Variants in MTOR observed in about 807,000 individuals in gnomAD.
MTOR encodes the protein serine/threonine-protein kinase mTOR.
A neutral mutation model predicts 319.8 loss-of-function variants in MTOR; 70 were observed. That is an observed-to-expected ratio of 0.22 (90% CI 0.18 to 0.27). The LOEUF is 0.27. MTOR is among the 10% of genes least tolerant of loss of function. MTOR has a pLI of 1.00. For synonymous variants in MTOR, 1,183 were observed against 1,211.4 expected (o/e 0.98, Z 0.49); for missense variants, 1,890 against 3,274.4 (o/e 0.58, Z 10.32).
chr1:11,200,256 T>C (rs893125511), intron 26 of MTOR, among the ~76,000 whole-genome samples: 1 of 152,224 alleles, frequency 6.6e-6, no homozygotes, highest in Non-Finnish European at 1.5e-5. Flanking sequence ...AGGCAGCATC[T>C]GCAATTGCTT....
intron 21 of MTOR, 120 bp downstream of exon 21, chr1:11,213,279 T>G (rs1646366792): frequency 9.6e-7 from 1 of 1,041,036 alleles, no homozygotes. Context: ...TTCTTGGGAT[T>G]CTGTCTTATG....
At chr1:11,144,947 T>C in intron 33 of MTOR, 21 bp downstream of exon 33, 1 of 1,611,898 alleles carries the variant, frequency 6.2e-7, no homozygotes. Flanking sequence ...AATGACAATG[T>C]GCAGAATAGT....
chr1:11,196,649 G>A (rs1446826110), intron 28 of MTOR, among the ~76,000 whole-genome samples: 1 of 152,006 alleles, frequency 6.6e-6, no homozygotes, highest in African/African-American at 2.4e-5. Flanking sequence ...GGTCAAGAGA[G>A]TGAGACCATC....
chr1:11,127,975 T>C lies in MTOR; in HGVS notation c.6033+29A>G, dbSNP rs2100412179. On this transcript the variant is annotated intron_variant, in intron 43 of 57. Transcript: ENST00000361445. The surrounding 1 kb of genome is among the most constrained non-coding windows in gnomAD (Gnocchi z 5.5). The stretch of plus-strand genomic sequence containing the variant: ...GCCCACCAGCTAAGGGACCAGGGTC[T>C]ATGAAGCCCCACAGTGGCTCCGACC... 1.2e-6 allele frequency: 2 copies of C among 1,612,544 alleles called. No homozygotes were observed. The highest frequency in any genetic ancestry group is 1.7e-6 in the Non-Finnish European group (2 of 1,179,802).
intron 3 of MTOR, among the ~76,000 whole-genome samples, chr1:11,257,514 G>A (rs1264221522): frequency 1.4e-5 from 2 of 142,484 alleles, no homozygotes; most frequent in African/African-American, 5.3e-5. Context: ...AGTAAGCCGA[G>A]ACTGCACCAT....
intron 47 of MTOR, among the ~76,000 whole-genome samples, chr1:11,123,174 T>C (rs1207052324): frequency 6.6e-6 from 1 of 152,220 alleles, no homozygotes; most frequent in African/African-American, 2.4e-5. Context: ...CATTTCCCAA[T>C]GAAAATACCC....
chr1:11,231,500 T>G, intron 16 of MTOR, 66 bp from the exon 17 acceptor site: 1 of 1,575,032 alleles, frequency 6.3e-7, no homozygotes, highest in Non-Finnish European at 8.6e-7. Flanking sequence ...AGTTGAACTC[T>G]TTGTATAATG....
chr1:11,182,895 T>C (rs536999390), intron 28 of MTOR, among the ~76,000 whole-genome samples: 2 of 152,352 alleles, frequency 1.3e-5, no homozygotes, highest in East Asian at 3.9e-4. Context: ...GTTTTCAGTG[T>C]TTGGCTATTA....
chr1:11,167,913 CAA>C (rs1273279870), intron 28 of MTOR, among the ~76,000 whole-genome samples: 1 of 151,884 alleles, frequency 6.6e-6, no homozygotes, highest in Non-Finnish European at 1.5e-5. Flanking sequence ...ACTAAAAATA[CAA>C]AAAAATTAGC....
intron 46 of MTOR, 131 bp from the exon 47 acceptor site, chr1:11,124,764 A>G: frequency 9.8e-7 from 1 of 1,016,998 alleles, no homozygotes; most frequent in South Asian, 2.8e-5. Context: ...CACAAAAAGA[A>G]AAAACAATCT....
chr1:11,241,977 T>C (rs996112999), intron 9 of MTOR, among the ~76,000 whole-genome samples: 2 of 152,080 alleles, frequency 1.3e-5, no homozygotes, highest in Admixed American at 6.5e-5. Flanking sequence ...GATAATTATG[T>C]AGGAAGAGAG....
chr1:11,203,443 G>A (rs563014976), intron 26 of MTOR, among the ~76,000 whole-genome samples: 8 of 152,256 alleles, frequency 5.3e-5, no homozygotes, highest in Middle Eastern at 6.8e-3. Context: ...GAAAGGCCAA[G>A]GTGAGCAGAT....
rs761128794 is a variant in MTOR, at chr1:11,212,766, G to A, written c.3398+30C>T. The A allele has an allele frequency of 7.2e-6, 11 of 1,529,936 alleles. No homozygotes were observed. The Admixed American group carries it at 1.9e-4, about 26-fold the overall frequency. The allele number at this position is 1,529,936 out of a possible 1,614,324, so 94.8% of individuals were successfully genotyped here. ...TTTCAACAAAACATTAAAGCTTAAA[G>A]ATTGCTAGTCCCAAAGAGGAGGTGC... is the stretch of plus-strand genomic sequence containing the variant. On this transcript the variant is annotated intron_variant, in intron 22 of 57. Transcript: ENST00000361445. The surrounding 1 kb of genome is among the most constrained non-coding windows in gnomAD (Gnocchi z 4.1).
At chr1:11,250,152 A>C (rs376468563) in intron 6 of MTOR, among the ~76,000 whole-genome samples, 1 of 106,176 alleles carries the variant, frequency 9.4e-6, no homozygotes, top group Non-Finnish European at 1.9e-5. Context: ...CCTCCCGGAC[A>C]GGGCGGCTGG....
rs386366225 is a variant in MTOR, at chr1:11,207,409, C to CTTTTTT, written c.3801+1897_3801+1902dup. 1.2e-3 allele frequency among the ~76,000 whole-genome samples: 136 copies of CTTTTTT among 114,150 alleles called. 2 individuals are homozygous for CTTTTTT. Among genetic ancestry groups the CTTTTTT allele is most frequent in the Non-Finnish European group, 1.7e-3 (97 of 58,696 alleles). The allele number at this position is 114,150 out of a possible 152,430, so 74.9% of individuals were successfully genotyped here. A position where few individuals can be genotyped will look rare whatever the true frequency, so the allele number is the denominator to read the frequency against. On this transcript the variant is annotated intron_variant, in intron 25 of 57. Coordinates refer to ENST00000361445, the MANE Select transcript of MTOR (RefSeq NM_004958.4). The stretch of plus-strand genomic sequence containing the variant: ...AGCCACTGCACCTGGCCCCCTACCT[C>CTTTTTT]TTTTTTTTTTTTTTTTTTGAAGAGA...
At chr1:11,185,307 G>A (rs1645279443) in intron 28 of MTOR, among the ~76,000 whole-genome samples, 1 of 150,902 alleles carries the variant, frequency 6.6e-6, no homozygotes, top group African/African-American at 2.4e-5. Flanking sequence ...CAGGTGTGGT[G>A]GCTCATGCCT....
chr1:11,200,809 A>T (rs1008862158), intron 26 of MTOR, among the ~76,000 whole-genome samples: 1 of 152,052 alleles, frequency 6.6e-6, no homozygotes, highest in African/African-American at 2.4e-5. Context: ...AGGTCAGGAG[A>T]TCGAGACCAT....
intron 53 of MTOR, among the ~76,000 whole-genome samples, chr1:11,113,404 T>A (rs1641995183): frequency 6.6e-6 from 1 of 152,146 alleles, no homozygotes; most frequent in Non-Finnish European, 1.5e-5. Flanking sequence ...TAAAAATACT[T>A]GAAGTTCTTT....
At chr1:11,165,966 C>T (rs1644631147) in intron 29 of MTOR, among the ~76,000 whole-genome samples, 1 of 152,192 alleles carries the variant, frequency 6.6e-6, no homozygotes, top group Non-Finnish European at 1.5e-5. Context: ...TGATCTTTGA[C>T]AAACCTGACA....
Sources: allele counts gnomAD v4.1 joint callset (sites outside exome capture counted in the v4.1 genomes callset), GRCh38; gene constraint gnomAD v4.1.1; non-coding constraint Gnocchi (gnomAD v3.1); transcripts MANE v1.5; gene names NCBI Gene and HGNC (gene_info 2026-07-23, HGNC 2026-07-21).